Variants in ABAT observed in about 807,000 individuals in gnomAD.
The protein encoded by ABAT is 4-aminobutyrate aminotransferase, mitochondrial.
In ABAT, 45 loss-of-function variants were observed where a neutral mutation model predicts 64.6. The ratio of observed to expected loss-of-function variants is 0.70; its 90% CI spans 0.55 to 0.89. The LOEUF is 0.89. ABAT is among the 40% of genes least tolerant of loss of function. The pLI is 0.00. For synonymous variants in ABAT, 297 were observed against 250.5 expected (o/e 1.19, Z -1.75); for missense variants, 633 against 658.4 (o/e 0.96, Z 0.42).
At chr16:8,765,967 A>T (rs543071961) in intron 8 of ABAT, 7 of 464,020 alleles carry the variant, frequency 1.5e-5, no homozygotes, top group South Asian at 1.4e-4. Flanking sequence ...AGCAGATCTT[A>T]ATCCAACAGA....
intron 1 of ABAT, among the ~76,000 whole-genome samples, chr16:8,734,551 C>A (rs1376188172): frequency 1.3e-5 from 2 of 152,076 alleles, no homozygotes; most frequent in Admixed American, 1.3e-4. Context: ...GTAAAAAGAC[C>A]ATGGAGCATG....
At chr16:8,747,822 A>C (rs763568324) in intron 3 of ABAT, among the ~76,000 whole-genome samples, 2 of 152,182 alleles carry the variant, frequency 1.3e-5, no homozygotes, top group African/African-American at 2.4e-5. Context: ...ACACTAGATA[A>C]ACACCTTCAG....
chr16:8,737,646 G>A lies in ABAT; in HGVS notation c.70+1837G>A, dbSNP rs548048178. Among the ~76,000 whole-genome samples the A allele has an allele frequency of 1.1e-4, 17 of 151,936 alleles. 1 individual carries two copies. The South Asian group carries it at 3.5e-3, about 32-fold the overall frequency. On this transcript the variant is annotated intron_variant, in intron 2 of 15. Transcript: ENST00000268251. ...TCAACACTAAGAAACTAGCTGGCCA[G>A]GCGCGGTGGCTCACGCCTATAATGC...
At chr16:8,678,467 G>C (rs1367606470) in intron 1 of ABAT, among the ~76,000 whole-genome samples, 1 of 152,278 alleles carries the variant, frequency 6.6e-6, no homozygotes, top group African/African-American at 2.4e-5. Flanking sequence ...AGCAAACTAA[G>C]CCTCACAAAG....
intron 1 of ABAT, among the ~76,000 whole-genome samples, chr16:8,677,044 AGGAGGACCAC>A (rs999915303): frequency 2.0e-5 from 3 of 152,200 alleles, no homozygotes; most frequent in Admixed American, 1.3e-4. Context: ...TCAAAGCATG[AGGAGGACCAC>A]GGTAGAGAGG....
At chr16:8,704,793 C>G (rs2057902920) in intron 1 of ABAT, among the ~76,000 whole-genome samples, 1 of 152,104 alleles carries the variant, frequency 6.6e-6, no homozygotes, top group Non-Finnish European at 1.5e-5. Flanking sequence ...TTGAGCAATC[C>G]TCTACCATTG....
At chr16:8,695,834 C>T (rs776344037) in intron 1 of ABAT, among the ~76,000 whole-genome samples, 1 of 152,168 alleles carries the variant, frequency 6.6e-6, no homozygotes, top group Non-Finnish European at 1.5e-5. Context: ...TACACCAGCT[C>T]AATGCCAGTT....
At chr16:8,738,393 T>G (rs189770382) in intron 2 of ABAT, 42 of 455,844 alleles carry the variant, frequency 9.2e-5, no homozygotes, top group Admixed American at 1.9e-4. Context: ...AACTCCAGAC[T>G]TTTATTTGGC....
At chr16:8,733,509 G>A (rs545405067) in intron 1 of ABAT, among the ~76,000 whole-genome samples, 20 of 151,936 alleles carry the variant, frequency 1.3e-4, no homozygotes, top group Non-Finnish European at 2.6e-4. Context: ...GTAGCAAGCC[G>A]AGATCACGCC....
chr16:8,779,781 C>G (rs1281118989), intron 15 of ABAT, among the ~76,000 whole-genome samples, 191 bp downstream of exon 15: 4 of 152,160 alleles, frequency 2.6e-5, no homozygotes, highest in Non-Finnish European at 5.9e-5. Flanking sequence ...CATTTATTTA[C>G]TCAACAAGCG....
At chr16:8,772,564 T>C (rs2060144837) in intron 11 of ABAT, among the ~76,000 whole-genome samples, 1 of 152,210 alleles carries the variant, frequency 6.6e-6, no homozygotes, top group Non-Finnish European at 1.5e-5. Flanking sequence ...CCCAATTTAT[T>C]AGTTTGTATC....
At chr16:8,770,473 C>CT (rs1171566721) in intron 11 of ABAT, among the ~76,000 whole-genome samples, 1 of 151,524 alleles carries the variant, frequency 6.6e-6, no homozygotes, top group African/African-American at 2.4e-5. Flanking sequence ...GGGTCTCACT[C>CT]TGTCACCCAG....
At chr16:8,745,127 C>T (rs181366710) in intron 2 of ABAT, among the ~76,000 whole-genome samples, 1 of 152,174 alleles carries the variant, frequency 6.6e-6, no homozygotes, top group Admixed American at 6.5e-5. Flanking sequence ...GAACTAAAGG[C>T]ATGTACCACC....
intron 1 of ABAT, among the ~76,000 whole-genome samples, chr16:8,710,727 A>AGAGAGAGGAGAGGGAGG (rs146344975): frequency 1.3e-4 from 13 of 103,684 alleles, no homozygotes; most frequent in East Asian, 4.5e-4. Context: ...AGAGAGAGAG[A>AGAGAGAGGAGAGGGAGG]GAGGAAATAG....
chr16:8,712,574 C>G (rs755971040), intron 1 of ABAT, among the ~76,000 whole-genome samples: 3 of 152,234 alleles, frequency 2.0e-5, no homozygotes, highest in Non-Finnish European at 4.4e-5. Context: ...TCAAAAAGAT[C>G]CTTCCAGGTT....
intron 1 of ABAT, among the ~76,000 whole-genome samples, chr16:8,717,404 A>C (rs981109019): frequency 1.3e-5 from 2 of 152,226 alleles, no homozygotes; most frequent in Non-Finnish European, 2.9e-5. Flanking sequence ...TGCTTTTTTC[A>C]TATGGCTACC....
chr16:8,732,343 G>A (rs879821572), intron 1 of ABAT, among the ~76,000 whole-genome samples: 45 of 150,716 alleles, frequency 3.0e-4, no homozygotes, highest in Non-Finnish European at 5.2e-4. Flanking sequence ...AAGGTCTCTG[G>A]TTTTCCTAGG....
Position 8,737,989 on chromosome 16 carries a change from GAGGAAAGA to G in ABAT, c.70+2182_70+2189del, listed in dbSNP as rs1216326468. ...GGAAGGAAGGAAGGAAGGAAGGAAG[GAGGAAAGA>G]AAGAAAGAAAGAAAGAAAGGAAAGA... On this transcript the variant is annotated intron_variant, in intron 2 of 15. Transcript: ENST00000268251. Among the ~76,000 whole-genome samples the G allele has an allele frequency of 4.7e-4, 8 of 16,962 alleles. 1 individual carries two copies. Among genetic ancestry groups the G allele is most frequent in the African/African-American group, 2.1e-3 (8 of 3,848 alleles). 11.1% of individuals were successfully genotyped at this position (16,962 alleles called of 152,430 possible).
At chr16:8,736,096 T>G (rs1731086) in intron 2 of ABAT, 255,632 of 433,972 alleles carry the variant, frequency 0.59, 76,885 homozygotes, top group East Asian at 0.79. Context: ...CTTACATGGC[T>G]ACAGGCAAGA....
Sources: allele counts gnomAD v4.1 joint callset (sites outside exome capture counted in the v4.1 genomes callset), GRCh38; gene constraint gnomAD v4.1.1; transcripts MANE v1.5; gene names NCBI Gene and HGNC (gene_info 2026-07-23, HGNC 2026-07-21).